Variants in NOXA1 observed in about 807,000 individuals in gnomAD.
The protein encoded by NOXA1 is NADPH oxidase activator 1.
A neutral mutation model predicts 64.8 loss-of-function variants in NOXA1; 56 were observed. That is an observed-to-expected ratio of 0.86 (90% CI 0.70 to 1.08). The LOEUF (loss-of-function observed/expected upper bound fraction) is 1.08. Ranked by LOEUF, NOXA1 falls within the 50% of genes least tolerant of loss-of-function variation. The pLI is 0.00. For missense variants in NOXA1, 668 were observed against 658.5 expected (o/e 1.01, Z -0.16); for synonymous variants, 295 against 294.8 (o/e 1.00, Z -0.01).
intron 3 of NOXA1, among the ~76,000 whole-genome samples, 176 bp downstream of exon 3, chr9:137,428,317 G>A (rs1227732078): frequency 6.6e-6 from 1 of 152,120 alleles, no homozygotes; most frequent in Non-Finnish European, 1.5e-5. Flanking sequence ...GAGGTGGAGG[G>A]ACCATTTTGT....
chr9:137,425,665 C>T (rs1450539133), intron 1 of NOXA1, among the ~76,000 whole-genome samples: 1 of 152,136 alleles, frequency 6.6e-6, no homozygotes, highest in Non-Finnish European at 1.5e-5. Context: ...GGATTACAGG[C>T]GTGAGCTAAC....
intron 3 of NOXA1, 63 bp downstream of exon 3, chr9:137,428,204 C>T: frequency 8.4e-7 from 1 of 1,192,792 alleles, no homozygotes. Context: ...GTGGCACTGT[C>T]ACAGGAGGGC....
intron 6 of NOXA1, 31 bp downstream of exon 6, chr9:137,430,874 G>A (rs1839080653): frequency 2.6e-6 from 4 of 1,561,660 alleles, no homozygotes; most frequent in East Asian, 2.3e-5. Context: ...ACCCCTGCCT[G>A]GCCTCACCCA....
In NOXA1 at chr9:137,431,028, G is replaced by A. The variant is rs764933091; in HGVS notation, c.673-47G>A. The A allele has an allele frequency of 1.1e-5, 18 of 1,612,658 alleles. No individual in the cohort carries two copies. The highest frequency in any genetic ancestry group is 1.7e-5 in the Admixed American group (1 of 59,970). ...TTCAAGGTTCAGGAGGAGGGAGGGC[G>A]GCCCCCGACCCTTAACCAGAGCGAG... On this transcript the variant is annotated intron_variant, in intron 6 of 13. Transcript: ENST00000683555. The surrounding 1 kb of genome is among the most constrained non-coding windows in gnomAD (Gnocchi z 5.6).
intron 12 of NOXA1, 33 bp downstream of exon 12, chr9:137,433,897 C>T (rs1455567780): frequency 1.3e-6 from 2 of 1,483,644 alleles, no homozygotes; most frequent in Non-Finnish European, 1.8e-6. Context: ...GCAGGGGCAC[C>T]CTGAGGGGCG....
intron 2 of NOXA1, among the ~76,000 whole-genome samples, chr9:137,427,729 C>T (rs1838899370): frequency 6.6e-6 from 1 of 152,230 alleles, no homozygotes; most frequent in Non-Finnish European, 1.5e-5. Flanking sequence ...AGGGAAATAA[C>T]CAGGGCTCTC....
chr9:137,430,316 GAGA>G (rs72178860), intron 5 of NOXA1, among the ~76,000 whole-genome samples: 42,851 of 151,962 alleles, frequency 0.28, 6,465 homozygotes, highest in East Asian at 0.61. Flanking sequence ...AAACATGGCG[GAGA>G]AGAAGAACTC....
intron 4 of NOXA1, 25 bp from the exon 5 acceptor site, chr9:137,429,251 T>A: frequency 6.7e-7 from 1 of 1,498,784 alleles, no homozygotes; most frequent in Non-Finnish European, 9.0e-7. Flanking sequence ...CCCGTCTGCA[T>A]CTGCTGGATA....
chr9:137,434,222 A>G lies in NOXA1; in HGVS notation c.1295-2A>G. 1 of 1,608,420 alleles carries G rather than the reference A, an allele frequency of 6.2e-7. No individual in the cohort carries two copies. The highest frequency in any genetic ancestry group is 8.5e-7 in the Non-Finnish European group (1 of 1,178,336). On this transcript the variant is annotated splice_acceptor_variant, in intron 13 of 13. Coordinates refer to ENST00000683555, the MANE Select transcript of NOXA1 (RefSeq NM_001256067.2). LOFTEE classifies it high-confidence loss of function. ...CTGCAGAGCCCGATGTCCCCCTTGC[A>G]GTGGACCAGGCATGGCTGGAGGGCC...
Position 137,431,289 on chromosome 9 carries a change from CAG to C in NOXA1, c.756_757del (p.Glu252AspfsTer6), listed in dbSNP as rs374881837. 3.1e-4 allele frequency: 494 copies of C among 1,612,528 alleles called. 3 individuals are homozygous for C. In the Middle Eastern group the frequency reaches 4.0e-3, roughly 13 times the overall value. ...GGCACCCACCAGGGCCCCCTCGATG[CAG>C]AGACAGAGGTCGGTGCTGACCGCTG... On this transcript the variant is annotated frameshift_variant, in exon 8 of 14. Transcript: ENST00000683555. LOFTEE classifies it high-confidence loss of function. This position sits in a 1 kb window ranked among gnomAD's most constrained non-coding sequence, Gnocchi z 5.6.
intron 1 of NOXA1, 134 bp from the exon 2 acceptor site, chr9:137,426,114 A>T: frequency 1.3e-6 from 1 of 762,280 alleles, no homozygotes; most frequent in South Asian, 1.5e-5. Context: ...GTTCCTGGAC[A>T]GGAGCAGGAG....
rs199722263 is a variant in NOXA1 at position 137,433,540 on chromosome 9, G to A, written c.997G>A (p.Asp333Asn). The A allele has an allele frequency of 5.6e-5, 88 of 1,585,356 alleles. 1 individual carries two copies. In the East Asian group the frequency reaches 1.1e-3, roughly 19 times the overall value. The change falls in exon 11 of 14, where the codon GAC (aspartate) becomes AAC (asparagine). Residue 333 changes from aspartate to asparagine, a missense_variant. By Grantham distance (23) the Asp-to-Asn change is conservative. Coordinates refer to ENST00000683555, the MANE Select transcript of NOXA1 (RefSeq NM_001256067.2). ...GGCCCTGAGGGCACGAAGAGGAGCC[G>A]ACCTGTCCAGCCTGCGGGCACTGCT... ...TVALRARRGA[D>N]LSSLRALLGQ...
rs1477345844 is a variant in NOXA1, at chr9:137,433,627, G to A, written c.1064+20G>A. On this transcript the variant is annotated intron_variant, in intron 11 of 13. Coordinates refer to ENST00000683555, the MANE Select transcript of NOXA1 (RefSeq NM_001256067.2). ...ACTCAGGTGGGCCAGAAAGCCCCCG[G>A]TGGCTGCGGTGGAGCTGGGCACCGC... 3 of 1,533,448 alleles carry A rather than the reference G, an allele frequency of 2.0e-6. No homozygotes were observed. Among genetic ancestry groups the A allele is most frequent in the South Asian group, 1.2e-5 (1 of 83,792 alleles). 95.0% of individuals were successfully genotyped at this position (1,533,448 alleles called of 1,614,324 possible). A position where few individuals can be genotyped will look rare whatever the true frequency, so the allele number is the denominator to read the frequency against.
intron 1 of NOXA1, among the ~76,000 whole-genome samples, chr9:137,423,912 G>A (rs891060958): frequency 8.5e-5 from 13 of 152,142 alleles, no homozygotes; most frequent in African/African-American, 3.1e-4. Flanking sequence ...GGGAGAGGCC[G>A]GGGCCCGAGG....
chr9:137,425,885 A>G (rs1331570793), intron 1 of NOXA1, among the ~76,000 whole-genome samples: 1 of 151,908 alleles, frequency 6.6e-6, no homozygotes, highest in Non-Finnish European at 1.5e-5. Flanking sequence ...AAAAAAAAAA[A>G]GGATTTTTAA....
intron 10 of NOXA1, 69 bp from the exon 11 acceptor site, chr9:137,433,384 G>A (rs898563693): frequency 2.2e-5 from 34 of 1,523,590 alleles, no homozygotes; most frequent in Non-Finnish European, 2.8e-5. Context: ...CACACCCCTC[G>A]GGCTGAAGAC....
At chr9:137,434,147 C>T in intron 13 of NOXA1, 68 bp downstream of exon 13, 1 of 1,582,098 alleles carries the variant, frequency 6.3e-7, no homozygotes, top group Non-Finnish European at 8.6e-7. Context: ...TAGAGCTCGG[C>T]CTGTGCTGTG....
intron 2 of NOXA1, among the ~76,000 whole-genome samples, chr9:137,427,141 C>T (rs925745242): frequency 3.9e-5 from 6 of 152,158 alleles, no homozygotes; most frequent in Non-Finnish European, 5.9e-5. Flanking sequence ...CATAAAAACA[C>T]GACGGAACCC....
chr9:137,428,802 G>A, intron 3 of NOXA1, 80 bp from the exon 4 acceptor site: 1 of 1,436,028 alleles, frequency 7.0e-7, no homozygotes, highest in Non-Finnish European at 9.2e-7. Context: ...GGCAGACCGA[G>A]GGAGGAGCTG....
Sources: gnomAD v4.1 joint callset for allele counts (sites outside exome capture counted in the v4.1 genomes callset) on GRCh38, gnomAD v4.1.1 for gene constraint, Gnocchi (gnomAD v3.1) non-coding constraint, MANE v1.5 for transcripts, NCBI Gene and HGNC (gene_info 2026-07-23, HGNC 2026-07-21) for gene names.